TENT2: variants seen among roughly 807,000 people sequenced by gnomAD.
TENT2 encodes poly(A) RNA polymerase GLD2.
In TENT2, 44 loss-of-function variants were observed where a neutral mutation model predicts 72.2. The ratio of observed to expected loss-of-function variants is 0.61; its 90% CI spans 0.48 to 0.78. The LOEUF (loss-of-function observed/expected upper bound fraction) is 0.78. Among genes scored for constraint, TENT2 ranks in the 30% least tolerant of loss-of-function variants. TENT2 has a pLI of 0.00. For missense variants in TENT2, 541 were observed against 569.6 expected (o/e 0.95, Z 0.51); for synonymous variants, 212 against 192.5 (o/e 1.10, Z -0.84).
At chr5:79,664,217 AT>A (rs1160911701) in intron 11 of TENT2, among the ~76,000 whole-genome samples, 2 of 152,142 alleles carry the variant, frequency 1.3e-5, no homozygotes, top group African/African-American at 4.8e-5. Flanking sequence ...ACACACATAT[AT>A]ATAGCAACTT....
At chr5:79,616,052 T>A (rs1759630143) in intron 1 of TENT2, among the ~76,000 whole-genome samples, 1 of 150,682 alleles carries the variant, frequency 6.6e-6, no homozygotes, top group African/African-American at 2.4e-5. Context: ...CCACGCTAGC[T>A]AATTTTGTAT....
intron 13 of TENT2, among the ~76,000 whole-genome samples, chr5:79,679,997 G>C (rs1288869080): frequency 2.0e-5 from 3 of 152,030 alleles, no homozygotes; most frequent in Non-Finnish European, 4.4e-5. Flanking sequence ...CATAAAATGA[G>C]TTATATTCTT....
Position 79,670,061 on chromosome 5 carries a change from A to G in TENT2, c.1208+1033A>G, listed in dbSNP as rs188626731. Reference sequence around the variant, plus strand: ...ACGGAGAAACCCCTTCTCTACTAAAAATACAAAATTAGCTGGGCATGGTGG... The same window carrying G: ...ACGGAGAAACCCCTTCTCTACTAAAGATACAAAATTAGCTGGGCATGGTGG... On this transcript the variant is annotated intron_variant, in intron 12 of 14. Coordinates refer to ENST00000453514, the MANE Select transcript of TENT2 (RefSeq NM_001114394.3). Among the ~76,000 whole-genome samples, 27 of 151,836 alleles carry G rather than the reference A, an allele frequency of 1.8e-4. No individual in the cohort carries two copies. The East Asian group carries it at 5.1e-3, about 29-fold the overall frequency.
chr5:79,647,032 G>A (rs867814608), intron 8 of TENT2, among the ~76,000 whole-genome samples: 2 of 152,056 alleles, frequency 1.3e-5, no homozygotes, highest in South Asian at 2.1e-4. Flanking sequence ...GCCTCCCAAA[G>A]TTCTGGAATT....
At chr5:79,661,996 C>T (rs904649292) in intron 11 of TENT2, among the ~76,000 whole-genome samples, 2 of 152,144 alleles carry the variant, frequency 1.3e-5, no homozygotes, top group African/African-American at 2.4e-5. Flanking sequence ...CCCTCTTTCA[C>T]TAATGAAAAA....
intron 8 of TENT2, among the ~76,000 whole-genome samples, chr5:79,645,532 A>C (rs1006258003): frequency 2.6e-5 from 4 of 152,152 alleles, no homozygotes; most frequent in Non-Finnish European, 5.9e-5. Flanking sequence ...ACTAATATCA[A>C]GGGGTTTGTT....
intron 12 of TENT2, among the ~76,000 whole-genome samples, chr5:79,678,915 T>G (rs1819534919): frequency 1.3e-5 from 2 of 152,194 alleles, no homozygotes; most frequent in South Asian, 4.1e-4. Flanking sequence ...CTTTTCTTTT[T>G]TCTTTTTTTG....
chr5:79,614,977 G>T (rs976857736), intron 1 of TENT2: 7 of 152,176 alleles, frequency 4.6e-5, no homozygotes, highest in African/African-American at 1.7e-4. Context: ...GCGTCGGAAT[G>T]ATTTTCCTCT....
rs1453989273 is a variant in TENT2, at chr5:79,684,902, T to A, written c.1381-297T>A. On this transcript the variant is annotated intron_variant, in intron 14 of 14. Coordinates refer to ENST00000453514, the MANE Select transcript of TENT2 (RefSeq NM_001114394.3). Reference sequence around the variant, plus strand: ...ATGAGACCTTGTCTCTACAAAAAAATTTAAAAATAGCTGAGCGTGATGGCA... The same window carrying A: ...ATGAGACCTTGTCTCTACAAAAAAAATTAAAAATAGCTGAGCGTGATGGCA... Among the ~76,000 whole-genome samples the A allele has an allele frequency of 2.0e-5, 3 of 152,140 alleles. No individual in the cohort carries two copies. In the East Asian group the frequency reaches 5.8e-4, roughly 29 times the overall value.
intron 1 of TENT2, among the ~76,000 whole-genome samples, chr5:79,614,590 G>A (rs1053184834): frequency 6.6e-6 from 1 of 152,146 alleles, no homozygotes; most frequent in African/African-American, 2.4e-5. Context: ...GCCAATATCT[G>A]GATTTTATGT....
intron 4 of TENT2, among the ~76,000 whole-genome samples, chr5:79,636,401 ATT>A (rs1561492459): frequency 6.6e-6 from 1 of 152,126 alleles, no homozygotes; most frequent in Non-Finnish European, 1.5e-5. Context: ...ATTTGTAAAT[ATT>A]TCAGTATTCT....
At chr5:79,651,545 CATCACAAAACAGTCTGATTGTT>C (rs769705314) in intron 10 of TENT2, among the ~76,000 whole-genome samples, 17 of 151,868 alleles carry the variant, frequency 1.1e-4, no homozygotes, top group Admixed American at 3.9e-4. Flanking sequence ...ATGGACAGAC[CATCACAAAACAGTCTGATTGTT>C]ACACCCTTTC....
At chr5:79,652,210 A>G (rs975304674) in intron 10 of TENT2, among the ~76,000 whole-genome samples, 3 of 152,046 alleles carry the variant, frequency 2.0e-5, no homozygotes, top group Admixed American at 1.3e-4. Flanking sequence ...AGAAGATTAG[A>G]AGTACTCTTA....
rs1241291115 is a variant in TENT2 at position 79,612,463 on chromosome 5, CG to C, written c.-647del. On this transcript the variant is annotated 5_prime_UTR_variant, in exon 1 of 15. Coordinates refer to ENST00000453514, the MANE Select transcript of TENT2 (RefSeq NM_001114394.3). The stretch of plus-strand genomic sequence containing the variant: ...CTCATCCGGGGTCACGTCGGTCTTC[CG>C]GGTGTCTTTGACAGGGTTTTCTACG... 1 of 152,104 alleles carries C rather than the reference CG, an allele frequency of 6.6e-6. No individual in the cohort carries two copies. The highest frequency in any genetic ancestry group is 2.0e-4 in the East Asian group (1 of 5,100). 9.4% of individuals were successfully genotyped at this position (152,104 alleles called of 1,614,324 possible).
intron 12 of TENT2, among the ~76,000 whole-genome samples, chr5:79,676,218 G>A (rs993929466): frequency 2.0e-5 from 3 of 150,682 alleles, no homozygotes; most frequent in African/African-American, 7.4e-5. Context: ...TCATAATTTT[G>A]ACTTTATTAG....
intron 4 of TENT2, among the ~76,000 whole-genome samples, chr5:79,627,068 T>C (rs1447813503): frequency 6.7e-6 from 1 of 149,904 alleles, no homozygotes; most frequent in Non-Finnish European, 1.5e-5. Context: ...AGGCGGAGGT[T>C]ACAGTGAGCC....
At chr5:79,665,974 T>C (rs936859610) in intron 11 of TENT2, among the ~76,000 whole-genome samples, 10 of 149,602 alleles carry the variant, frequency 6.7e-5, no homozygotes, top group African/African-American at 2.5e-4. Flanking sequence ...AAGAAATTCT[T>C]TTTTTTTTTC....
intron 1 of TENT2, among the ~76,000 whole-genome samples, chr5:79,614,782 ACT>A (rs896662349): frequency 2.3e-4 from 35 of 151,652 alleles, no homozygotes; most frequent in African/African-American, 6.8e-4. Context: ...ATTTTGTGAA[ACT>A]CTACAGTCTC....
intron 4 of TENT2, among the ~76,000 whole-genome samples, chr5:79,634,989 A>T (rs1778923075): frequency 6.6e-6 from 1 of 152,076 alleles, no homozygotes; most frequent in South Asian, 2.1e-4. Context: ...GGCTTGGAAT[A>T]GTTTTTTTAA....
Sources: allele counts gnomAD v4.1 joint callset (sites outside exome capture counted in the v4.1 genomes callset), GRCh38; gene constraint gnomAD v4.1.1; transcripts MANE v1.5; gene names NCBI Gene and HGNC (gene_info 2026-07-23, HGNC 2026-07-21).